Variants in IMMP2L observed in about 807,000 individuals in gnomAD.
IMMP2L encodes the protein inner mitochondrial membrane peptidase subunit 2.
A neutral mutation model predicts 19.3 loss-of-function variants in IMMP2L; 18 were observed. That is an observed-to-expected ratio of 0.93 (90% CI 0.64 to 1.38). IMMP2L has a LOEUF of 1.38. IMMP2L is among the 40% of genes most tolerant of loss of function. IMMP2L has a pLI of 0.00. For synonymous variants in IMMP2L, 76 were observed against 73.0 expected (o/e 1.04, Z -0.21); for missense variants, 233 against 218.2 (o/e 1.07, Z -0.43).
intron 3 of IMMP2L, among the ~76,000 whole-genome samples, chr7:110,985,605 TA>T (rs1336919602): frequency 6.6e-6 from 1 of 152,134 alleles, no homozygotes; most frequent in Non-Finnish European, 1.5e-5. Context: ...AAACTACTTT[TA>T]AAAGTGTGTG....
intron 5 of IMMP2L, among the ~76,000 whole-genome samples, chr7:110,741,909 T>C (rs1405057717): frequency 6.6e-6 from 1 of 152,198 alleles, no homozygotes; most frequent in Non-Finnish European, 1.5e-5. Flanking sequence ...GTATAAACAT[T>C]TAGATTCTAC....
chr7:110,788,790 G>T (rs1485936931), intron 5 of IMMP2L, among the ~76,000 whole-genome samples: 1 of 151,732 alleles, frequency 6.6e-6, no homozygotes, highest in African/African-American at 2.4e-5. Flanking sequence ...TTCCCATCTT[G>T]CTTGCTCTTC....
At chr7:111,352,733 G>A (rs188394525) in intron 3 of IMMP2L, among the ~76,000 whole-genome samples, 100 of 152,178 alleles carry the variant, frequency 6.6e-4, no homozygotes, top group African/African-American at 2.2e-3. Context: ...GCATGGTATC[G>A]GTGAGAGGCA....
At chr7:110,676,156 ACT>A (rs755769332) in intron 5 of IMMP2L, among the ~76,000 whole-genome samples, 6 of 152,246 alleles carry the variant, frequency 3.9e-5, no homozygotes, top group Non-Finnish European at 8.8e-5. Flanking sequence ...ACCATAAGGT[ACT>A]GTTTCTTCTG....
Position 110,757,506 on chromosome 7 carries a change from G to A in IMMP2L, c.409-93785C>T, listed in dbSNP as rs551663132. Among the ~76,000 whole-genome samples the A allele has an allele frequency of 6.6e-6, 1 of 152,168 alleles. No individual in the cohort carries two copies. The highest frequency in any genetic ancestry group is 1.9e-4 in the East Asian group (1 of 5,140). On this transcript the variant is annotated intron_variant, in intron 5 of 5. Transcript: ENST00000405709. This position sits in a 1 kb window ranked among gnomAD's most constrained non-coding sequence, Gnocchi z 4.2. ...TTTGTCCCAGGAGGTTATGTGGATT[G>A]TAGTAGTGGGCTCCTTTGCCCTCTG...
rs368104919 is a variant in IMMP2L at position 111,257,955 on chromosome 7, C to T, written c.239+229283G>A. Among the ~76,000 whole-genome samples, 37 of 151,738 alleles carry T rather than the reference C, an allele frequency of 2.4e-4. 1 individual carries two copies. Among genetic ancestry groups the T allele is most frequent in the Non-Finnish European group, 2.1e-4 (14 of 67,962 alleles). On this transcript the variant is annotated intron_variant, in intron 3 of 5. Transcript: ENST00000405709. ...CAGCCCCCCAGCCCCCAACAGGCCT[C>T]GGTGTGTGATGTTCCCCTCCCTGTG...
chr7:111,201,945 A>C (rs923224875), intron 3 of IMMP2L, among the ~76,000 whole-genome samples: 1 of 152,180 alleles, frequency 6.6e-6, no homozygotes, highest in African/African-American at 2.4e-5. Context: ...CAGTCTCCAG[A>C]ACTGTGAGAA....
chr7:111,378,072 A>C (rs1830848292), intron 3 of IMMP2L, among the ~76,000 whole-genome samples: 1 of 152,010 alleles, frequency 6.6e-6, no homozygotes, highest in Non-Finnish European at 1.5e-5. Flanking sequence ...CGTGTTTTTT[A>C]ACACAACTTT....
intron 5 of IMMP2L, among the ~76,000 whole-genome samples, chr7:110,845,907 A>G (rs1805608892): frequency 6.6e-6 from 1 of 152,172 alleles, no homozygotes; most frequent in Non-Finnish European, 1.5e-5. Flanking sequence ...GTGAGGATAG[A>G]AAAAAGGTGC....
intron 4 of IMMP2L, chr7:110,962,473 A>C (rs1004553840): frequency 1.3e-5 from 2 of 151,990 alleles, no homozygotes; most frequent in African/African-American, 4.8e-5. Flanking sequence ...AAATCTTTTT[A>C]GTTTCTGGCT....
intron 3 of IMMP2L, among the ~76,000 whole-genome samples, chr7:111,359,059 G>A (rs369639297): frequency 6.6e-6 from 1 of 152,030 alleles, no homozygotes; most frequent in Admixed American, 6.6e-5. Context: ...ACAGTTAGAT[G>A]TTGGCACATC....
chr7:111,076,479 T>C (rs1435617510), intron 3 of IMMP2L, among the ~76,000 whole-genome samples: 1 of 152,200 alleles, frequency 6.6e-6, no homozygotes, highest in Non-Finnish European at 1.5e-5. Flanking sequence ...CTGATAGTTC[T>C]TTGTAGCTGA....
chr7:111,297,016 T>C (rs1421415101), intron 3 of IMMP2L, among the ~76,000 whole-genome samples: 2 of 152,006 alleles, frequency 1.3e-5, no homozygotes, highest in African/African-American at 4.8e-5. Flanking sequence ...AGATTAGTGG[T>C]TGCCAAGGGC....
Position 111,123,835 on chromosome 7 carries a change from G to A in IMMP2L, c.240-160270C>T, listed in dbSNP as rs753061203. 5.6e-6 allele frequency: 9 copies of A among 1,613,824 alleles called. No homozygotes were observed. The East Asian group carries it at 1.6e-4, about 28-fold the overall frequency. On this transcript the variant is annotated intron_variant, in intron 3 of 5. Coordinates refer to ENST00000405709, the MANE Select transcript of IMMP2L (RefSeq NM_032549.4). The surrounding 1 kb of genome is among the most constrained non-coding windows in gnomAD (Gnocchi z 6.4). The stretch of plus-strand genomic sequence containing the variant: ...CAGTGCCCTGTACCATGGTACCATT[G>A]AGTCTCTGCCAAACCTCAAGGAAAT...
intron 3 of IMMP2L, among the ~76,000 whole-genome samples, chr7:111,272,067 T>A (rs1818526960): frequency 1.3e-5 from 2 of 152,172 alleles, no homozygotes; most frequent in Non-Finnish European, 2.9e-5. Flanking sequence ...GCAGACAGAA[T>A]AACTGTTATA....
intron 3 of IMMP2L, among the ~76,000 whole-genome samples, chr7:110,971,835 G>T (rs1820172994): frequency 6.6e-6 from 1 of 151,992 alleles, no homozygotes; most frequent in Non-Finnish European, 1.5e-5. Flanking sequence ...ATCGAGATAT[G>T]CATTATTAAT....
intron 5 of IMMP2L, among the ~76,000 whole-genome samples, chr7:110,761,394 G>A (rs902933416): frequency 2.0e-5 from 3 of 151,992 alleles, no homozygotes; most frequent in Non-Finnish European, 4.4e-5. Flanking sequence ...ACCTAGATTC[G>A]ATATAGTACT....
At chr7:110,889,246 G>A (rs183594580) in intron 4 of IMMP2L, among the ~76,000 whole-genome samples, 62 of 152,164 alleles carry the variant, frequency 4.1e-4, no homozygotes, top group African/African-American at 1.2e-3. Flanking sequence ...TTTATTGTGC[G>A]CTTTATTTCT....
At chr7:111,456,488 C>T (rs1235035572) in intron 3 of IMMP2L, among the ~76,000 whole-genome samples, 1 of 152,068 alleles carries the variant, frequency 6.6e-6, no homozygotes, top group Non-Finnish European at 1.5e-5. Flanking sequence ...GATCATCTCT[C>T]CAAGTTGTAA....
Sources: gnomAD v4.1 joint callset for allele counts (sites outside exome capture counted in the v4.1 genomes callset) on GRCh38, gnomAD v4.1.1 for gene constraint, Gnocchi (gnomAD v3.1) non-coding constraint, MANE v1.5 for transcripts, NCBI Gene and HGNC (gene_info 2026-07-23, HGNC 2026-07-21) for gene names.